Variants in HELLS observed in about 807,000 individuals in gnomAD.
The protein encoded by HELLS is lymphoid-specific helicase.
Under a neutral mutation model 120.0 loss-of-function variants are expected in HELLS, and 32 were observed. That is an observed-to-expected ratio of 0.27 (90% CI 0.20 to 0.36). The LOEUF (loss-of-function observed/expected upper bound fraction) is 0.36, where lower values mean the gene tolerates loss of function less well. HELLS is among the 10% of genes least tolerant of loss of function. HELLS has a pLI of 1.00. For missense variants in HELLS, 650 were observed against 993.4 expected (o/e 0.65, Z 4.65); for synonymous variants, 341 against 323.4 (o/e 1.05, Z -0.58).
chr10:94,604,273 C>T (rs147720719), downstream of HELLS, among the ~76,000 whole-genome samples: 1,325 of 151,236 alleles, frequency 8.8e-3, 18 homozygotes, highest in African/African-American at 0.031. Context: ...TAGAAGTGTG[C>T]GCCACCACAC....
intron 3 of HELLS, among the ~76,000 whole-genome samples, chr10:94,557,920 T>C (rs1361077169): frequency 6.6e-6 from 1 of 152,188 alleles, no homozygotes; most frequent in African/African-American, 2.4e-5. Flanking sequence ...CTGAAAACCA[T>C]TGTTTAATAA....
At chr10:94,561,065 A>C (rs1357300581) in intron 4 of HELLS, among the ~76,000 whole-genome samples, 2 of 146,028 alleles carry the variant, frequency 1.4e-5, no homozygotes, top group Non-Finnish European at 3.0e-5. Context: ...CAAAAAAAAA[A>C]ACAAAAAAAC....
chr10:94,597,697 T>C (rs1845804726), intron 21 of HELLS, among the ~76,000 whole-genome samples: 1 of 152,098 alleles, frequency 6.6e-6, no homozygotes, highest in African/African-American at 2.4e-5. Flanking sequence ...CACACCTGGC[T>C]AATTTTTGTA....
chr10:94,552,745 A>T (rs1294946352), intron 2 of HELLS, among the ~76,000 whole-genome samples: 1 of 152,070 alleles, frequency 6.6e-6, no homozygotes, highest in Non-Finnish European at 1.5e-5. Context: ...GACAAGGCAG[A>T]CGAATCTCTT....
At chr10:94,546,765 C>A (rs1428640003) in intron 2 of HELLS, among the ~76,000 whole-genome samples, 1 of 152,182 alleles carries the variant, frequency 6.6e-6, no homozygotes, top group Non-Finnish European at 1.5e-5. Context: ...CTTGTTTAGC[C>A]ATGAAAAGTC....
chr10:94,584,638 C>T (rs1305859060), intron 12 of HELLS, among the ~76,000 whole-genome samples: 5 of 152,034 alleles, frequency 3.3e-5, no homozygotes, highest in African/African-American at 9.7e-5. Context: ...GTCACTTACA[C>T]GTTACCTCAC....
At chr10:94,560,927 G>A (rs1843525707) in intron 4 of HELLS, among the ~76,000 whole-genome samples, 1 of 151,708 alleles carries the variant, frequency 6.6e-6, no homozygotes, top group African/African-American at 2.4e-5. Context: ...ATGATGGCGG[G>A]TACCTGTAAT....
chr10:94,554,648 T>C (rs1053916857), intron 3 of HELLS, among the ~76,000 whole-genome samples: 1 of 137,184 alleles, frequency 7.3e-6, no homozygotes, highest in Non-Finnish European at 1.6e-5. Context: ...AATAGTGTTT[T>C]TTTTTTTGTT....
chr10:94,569,958 T>C (rs1245418802), intron 6 of HELLS: 1 of 152,198 alleles, frequency 6.6e-6, no homozygotes, highest in Non-Finnish European at 1.5e-5. Flanking sequence ...ATGATTTCTC[T>C]GCCTCTTGTG....
intron 21 of HELLS, among the ~76,000 whole-genome samples, chr10:94,598,613 T>G (rs201851462): frequency 0.36 from 54,553 of 150,178 alleles, 10,326 homozygotes; most frequent in East Asian, 0.68. Flanking sequence ...GAAGTTTTTT[T>G]TTTTTTTTTT....
chr10:94,577,366 C>CT (rs1286152394), intron 10 of HELLS: 176 of 211,798 alleles, frequency 8.3e-4, no homozygotes, highest in South Asian at 2.3e-3. Context: ...TTCTTGACTG[C>CT]TTTTTTTTTC....
chr10:94,546,531 G>T (rs1293302225), intron 2 of HELLS, 33 bp downstream of exon 2: 1 of 1,613,068 alleles, frequency 6.2e-7, no homozygotes, highest in African/African-American at 1.3e-5. Flanking sequence ...CGTCGTGAAA[G>T]CCTGTGGTAA....
intron 6 of HELLS, among the ~76,000 whole-genome samples, chr10:94,563,808 CT>C (rs10623208): frequency 9.8e-4 from 133 of 136,368 alleles, no homozygotes; most frequent in Admixed American, 9.7e-4. Context: ...GTTTTCTTTT[CT>C]TTTTTTTTTT....
chr10:94,604,124 C>CTTTT (rs1197097813), downstream of HELLS, among the ~76,000 whole-genome samples: 1 of 130,404 alleles, frequency 7.7e-6, no homozygotes, highest in Non-Finnish European at 1.6e-5. Flanking sequence ...CCACATCTGG[C>CTTTT]TTTTTTTTTT....
intron 4 of HELLS, among the ~76,000 whole-genome samples, chr10:94,562,174 C>T (rs913049009): frequency 1.3e-5 from 2 of 151,798 alleles, no homozygotes; most frequent in Admixed American, 6.6e-5. Flanking sequence ...GAGGCCTAGG[C>T]GGGCGGATCA....
chr10:94,592,701 T>C (rs1430736160), intron 17 of HELLS, among the ~76,000 whole-genome samples, 187 bp downstream of exon 17: 5 of 152,072 alleles, frequency 3.3e-5, no homozygotes, highest in Non-Finnish European at 7.4e-5. Context: ...TTCACAAATA[T>C]ATATATCTTC....
rs751829527 is a variant in HELLS, at chr10:94,596,897, TAAG to T, written c.2289_2291del (p.Lys763del). 6.6e-7 allele frequency: 1 copy of T among 1,514,094 alleles called. No individual in the cohort carries two copies. Among genetic ancestry groups the T allele is most frequent in the South Asian group, 1.1e-5 (1 of 88,400 alleles). The allele number at this position is 1,514,094 out of a possible 1,614,324, so 93.8% of individuals were successfully genotyped here. A position where few individuals can be genotyped will look rare whatever the true frequency, so the allele number is the denominator to read the frequency against. On this transcript the variant is annotated inframe_deletion, in exon 20 of 22. Transcript: ENST00000348459. Reference sequence around the variant, plus strand: ...GTGGTCAGTCTGGATTAAATCTGTCTAAGAATTTCTTAGATCCTAAGGAATTAA... The same window carrying T: ...GTGGTCAGTCTGGATTAAATCTGTCTAATTTCTTAGATCCTAAGGAATTAA...
chr10:94,581,638 G>A, intron 11 of HELLS, 116 bp downstream of exon 11: 1 of 665,228 alleles, frequency 1.5e-6, no homozygotes, highest in South Asian at 2.1e-5. Context: ...TCTTTGTGGT[G>A]TATATTGTAT....
intron 18 of HELLS, among the ~76,000 whole-genome samples, chr10:94,594,469 G>A (rs944927202): frequency 4.6e-5 from 7 of 152,214 alleles, no homozygotes; most frequent in Middle Eastern, 6.8e-3. Flanking sequence ...GTGAGTCATC[G>A]TGCCCATCCT....
Sources: allele counts gnomAD v4.1 joint callset (sites outside exome capture counted in the v4.1 genomes callset), GRCh38; gene constraint gnomAD v4.1.1; transcripts MANE v1.5; gene names NCBI Gene and HGNC (gene_info 2026-07-23, HGNC 2026-07-21).